Variants in DUSP16 observed in about 807,000 individuals in gnomAD.
The protein encoded by DUSP16 is dual specificity phosphatase 16, also known as dual specificity protein phosphatase 16.
Under a neutral mutation model 58.3 loss-of-function variants are expected in DUSP16, and 21 were observed. The observed-to-expected ratio is 0.36, with a 90% CI of 0.26 to 0.52. The LOEUF (loss-of-function observed/expected upper bound fraction) is 0.52, where lower values mean the gene tolerates loss of function less well. DUSP16 is among the 20% of genes least tolerant of loss of function. The pLI is 0.94. For missense variants in DUSP16, 726 were observed against 819.0 expected, an observed-to-expected ratio of 0.89 and a Z score of 1.39; for synonymous variants, 320 against 323.8, an observed-to-expected ratio of 0.99 and a Z score of 0.12.
intron 1 of DUSP16, among the ~76,000 whole-genome samples, chr12:12,528,457 G>A (rs997139501): frequency 3.8e-4 from 58 of 152,312 alleles, no homozygotes; most frequent in Middle Eastern, 3.4e-3. Flanking sequence ...GGTATTTTCA[G>A]TAAAGGTAGG....
intron 4 of DUSP16, among the ~76,000 whole-genome samples, chr12:12,498,929 G>A (rs924566165): frequency 1.3e-5 from 2 of 152,026 alleles, no homozygotes; most frequent in Non-Finnish European, 2.9e-5. Context: ...ATCTACCTAT[G>A]TATCCTGCTT....
intron 1 of DUSP16, among the ~76,000 whole-genome samples, chr12:12,557,108 A>G (rs1190067452): frequency 3.9e-5 from 6 of 152,184 alleles, no homozygotes; most frequent in Non-Finnish European, 7.3e-5. Flanking sequence ...TGAGATTCTT[A>G]GCAAATGGCA....
chr12:12,478,866 G>T (rs1279645419), intron 6 of DUSP16, among the ~76,000 whole-genome samples: 2 of 152,332 alleles, frequency 1.3e-5, no homozygotes, highest in South Asian at 4.1e-4. Context: ...TAGTCAACAT[G>T]ACAGACTAAC....
At chr12:12,544,839 C>T (rs921293171) in intron 1 of DUSP16, among the ~76,000 whole-genome samples, 11 of 152,044 alleles carry the variant, frequency 7.2e-5, no homozygotes, top group Non-Finnish European at 1.3e-4. Context: ...TTTTCTTTTT[C>T]TTTTCATACA....
intron 1 of DUSP16, among the ~76,000 whole-genome samples, chr12:12,552,220 C>T (rs1566058485): frequency 6.6e-6 from 1 of 151,844 alleles, no homozygotes; most frequent in African/African-American, 2.4e-5. Flanking sequence ...CCGAGGCAAG[C>T]GGATCACTTG....
rs558971510 is a variant in DUSP16 at position 12,512,769 on chromosome 12, G to T, written c.367+7093C>A. Among the ~76,000 whole-genome samples, 119 of 152,234 alleles carry T rather than the reference G, an allele frequency of 7.8e-4. No homozygotes were observed. The South Asian group carries it at 0.023, about 30-fold the overall frequency. ...AGTTTTTTAGACCCAAGAGCAGCCA[G>T]TTCCTTAATAATTGGCATACTTTTA... On this transcript the variant is annotated intron_variant, in intron 3 of 6. Transcript: ENST00000298573.
At chr12:12,481,569 A>G (rs992408280) in intron 5 of DUSP16, among the ~76,000 whole-genome samples, 4 of 152,216 alleles carry the variant, frequency 2.6e-5, no homozygotes, top group Non-Finnish European at 4.4e-5. Flanking sequence ...TGCTATAAAT[A>G]TAAGTTTCTA....
chr12:12,536,240 A>G (rs1476526955), intron 1 of DUSP16, among the ~76,000 whole-genome samples: 4 of 152,226 alleles, frequency 2.6e-5, no homozygotes, highest in Non-Finnish European at 4.4e-5. Context: ...TACCCTTATT[A>G]TATGTCATGG....
At chr12:12,547,889 T>C (rs1944670348) in intron 1 of DUSP16, among the ~76,000 whole-genome samples, 1 of 152,170 alleles carries the variant, frequency 6.6e-6, no homozygotes, top group South Asian at 2.1e-4. Context: ...TTTACAATTT[T>C]AGAGCTGGAA....
Position 12,486,077 on chromosome 12 carries a change from C to T in DUSP16, c.691+951G>A, listed in dbSNP as rs182147531. On this transcript the variant is annotated intron_variant, in intron 5 of 6. Coordinates refer to ENST00000298573, the MANE Select transcript of DUSP16 (RefSeq NM_030640.3). ...CAAAGTGCTGGGATTACAGGCGTGA[C>T]CCACCGCGCCTGGCCAATTCCACTT... Among the ~76,000 whole-genome samples the T allele has an allele frequency of 2.7e-4, 40 of 149,108 alleles. 1 individual carries two copies. The East Asian group carries it at 7.6e-3, about 28-fold the overall frequency.
intron 1 of DUSP16, among the ~76,000 whole-genome samples, chr12:12,557,904 C>T (rs1397174148): frequency 2.6e-5 from 4 of 152,266 alleles, no homozygotes; most frequent in East Asian, 3.9e-4. Flanking sequence ...GAATACCTTC[C>T]GCCTTTCGCC....
Position 12,477,944 on chromosome 12 carries a change from T to C in DUSP16, c.887A>G (p.Lys296Arg), listed in dbSNP as rs1340422746. 1 of 1,614,204 alleles carries C rather than the reference T, an allele frequency of 6.2e-7. No homozygotes were observed. Among genetic ancestry groups the C allele is most frequent in the Non-Finnish European group, 8.5e-7 (1 of 1,180,032 alleles). ...NFLGQLLDYE[K>R]KIKNQTGASG... is the part of the protein sequence containing the mutation. ...TGCTCCAGTCTGGTTCTTAATCTTC[T>C]TCTCATAGTCCAGGAGTTGGCCCAG... The change falls in exon 7 of 7, where the codon AAG (lysine) becomes AGG (arginine). Residue 296 changes from lysine (K) to arginine (R), a missense_variant. Lys to Arg is a conservative substitution (Grantham distance 26). Coordinates refer to ENST00000298573, the MANE Select transcript of DUSP16 (RefSeq NM_030640.3). The surrounding 1 kb of genome is among the most constrained non-coding windows in gnomAD (Gnocchi z 4.1).
At chr12:12,555,268 AGCACATG>A (rs1944790522) in intron 1 of DUSP16, among the ~76,000 whole-genome samples, 3 of 152,350 alleles carry the variant, frequency 2.0e-5, no homozygotes, top group African/African-American at 7.2e-5. Context: ...TTCTAGAGTG[AGCACATG>A]GCTCAAATAA....
intron 6 of DUSP16, among the ~76,000 whole-genome samples, chr12:12,479,060 T>A (rs1027656186): frequency 6.6e-6 from 1 of 152,182 alleles, no homozygotes; most frequent in Admixed American, 6.5e-5. Flanking sequence ...AAAACCAGGC[T>A]GGTCAAATAT....
chr12:12,551,955 G>C (rs1331527286), intron 1 of DUSP16, among the ~76,000 whole-genome samples: 1 of 152,060 alleles, frequency 6.6e-6, no homozygotes, highest in Non-Finnish European at 1.5e-5. Flanking sequence ...GCCTCCCAAA[G>C]TGCTGGGATT....
chr12:12,487,284 G>GT, intron 4 of DUSP16, 97 bp from the exon 5 acceptor site: 1 of 1,321,638 alleles, frequency 7.6e-7, no homozygotes, highest in Non-Finnish European at 1.0e-6. Flanking sequence ...AAAATGCCCA[G>GT]TTTCCTTGAA....
intron 1 of DUSP16, among the ~76,000 whole-genome samples, chr12:12,531,030 C>T (rs1684028065): frequency 2.6e-5 from 4 of 152,072 alleles, no homozygotes; most frequent in Admixed American, 2.6e-4. Context: ...AATATATGCA[C>T]CCCCTCCTTT....
At chr12:12,561,516 AAAG>A (rs1162273289) in intron 1 of DUSP16, among the ~76,000 whole-genome samples, 8 of 152,220 alleles carry the variant, frequency 5.3e-5, no homozygotes, top group Non-Finnish European at 1.2e-4. Flanking sequence ...TAGTGTAAAT[AAAG>A]AAGTCACTAG....
intron 4 of DUSP16, among the ~76,000 whole-genome samples, chr12:12,490,817 A>G (rs756034854): frequency 3.9e-5 from 6 of 152,218 alleles, no homozygotes; most frequent in Admixed American, 2.0e-4. Flanking sequence ...AAACATATAT[A>G]TGGCAATCTG....
Sources: gnomAD v4.1 joint callset for allele counts (sites outside exome capture counted in the v4.1 genomes callset) on GRCh38, gnomAD v4.1.1 for gene constraint, Gnocchi (gnomAD v3.1) non-coding constraint, MANE v1.5 for transcripts, NCBI Gene and HGNC (gene_info 2026-07-23, HGNC 2026-07-21) for gene names.